The following CTNNA2 variants were observed in gnomAD, a reference collection of about 807,000 sequenced individuals.
The protein encoded by CTNNA2 is catenin alpha-2.
A neutral mutation model predicts 101.0 loss-of-function variants in CTNNA2; 42 were observed. The ratio of observed to expected loss-of-function variants is 0.42; its 90% CI spans 0.32 to 0.54. The LOEUF (loss-of-function observed/expected upper bound fraction) is 0.54, where lower values mean the gene tolerates loss of function less well. Among genes scored for constraint, CTNNA2 ranks in the 20% least tolerant of loss-of-function variants. The pLI, the probability that CTNNA2 is intolerant of heterozygous loss-of-function variation, is 0.14. For missense variants in CTNNA2, 871 were observed against 1,223.1 expected (o/e 0.71, Z 4.29); for synonymous variants, 450 against 456.4 (o/e 0.99, Z 0.18).
chr2:79,760,005 G>A (rs1023772494), intron 3 of CTNNA2, among the ~76,000 whole-genome samples: 1 of 152,152 alleles, frequency 6.6e-6, no homozygotes, highest in Non-Finnish European at 1.5e-5. Flanking sequence ...AGGCGGTATA[G>A]CATATTCGTT....
In CTNNA2 at chr2:79,529,138, T is replaced by C. The variant is rs1000653569; in HGVS notation, c.-6+15931T>C. Among the ~76,000 whole-genome samples the C allele has an allele frequency of 2.6e-5, 4 of 152,102 alleles. No homozygotes were observed. In the East Asian group the frequency reaches 7.7e-4, roughly 29 times the overall value. On this transcript the variant is annotated intron_variant, in intron 1 of 18. Coordinates refer to ENST00000402739, the MANE Select transcript of CTNNA2 (RefSeq NM_001282597.3). Reference sequence around the variant, plus strand: ...TGAGGGGAAAGCATGAAGGTAGGAATGTCAGTGTAAATTTAAGGCTCAACA... The same window carrying C: ...TGAGGGGAAAGCATGAAGGTAGGAACGTCAGTGTAAATTTAAGGCTCAACA...
intron 7 of CTNNA2, among the ~76,000 whole-genome samples, chr2:80,318,434 TTA>T (rs1678343441): frequency 6.6e-6 from 1 of 152,032 alleles, no homozygotes; most frequent in Non-Finnish European, 1.5e-5. Flanking sequence ...GTTGGGATAG[TTA>T]TGTTTAGGTT....
chr2:80,199,991 C>T (rs1421013231), intron 7 of CTNNA2, among the ~76,000 whole-genome samples: 1 of 152,146 alleles, frequency 6.6e-6, no homozygotes, highest in Admixed American at 6.5e-5. Context: ...ATGTTTCTGA[C>T]TTTCCTTAGA....
intron 7 of CTNNA2, among the ~76,000 whole-genome samples, chr2:80,280,384 A>G (rs1244270062): frequency 6.6e-6 from 1 of 151,458 alleles, no homozygotes; most frequent in Non-Finnish European, 1.5e-5. Flanking sequence ...ATCAACTTAA[A>G]TTCTGGAGCC....
In CTNNA2 at chr2:79,782,903, T is replaced by C. The variant is rs111987894; in HGVS notation, c.298+38321T>C. 5.9e-4 allele frequency among the ~76,000 whole-genome samples: 90 copies of C among 152,200 alleles called. 2 individuals are homozygous for C. The highest frequency in any genetic ancestry group is 2.9e-3 in the Admixed American group (45 of 15,292). On this transcript the variant is annotated intron_variant, in intron 3 of 18. Transcript: ENST00000402739. ...AATTGGCTCTGCCCCACCAATATTC[T>C]CTTTTAGTCCATGTCATCTCTTTCA...
upstream of CTNNA2, among the ~76,000 whole-genome samples, chr2:79,510,280 A>G (rs1671507411): frequency 6.6e-6 from 1 of 152,210 alleles, no homozygotes; most frequent in African/African-American, 2.4e-5. Context: ...ATGTCATTGA[A>G]ATGAAGGACA....
At chr2:80,192,891 A>T (rs1706602330) in intron 7 of CTNNA2, among the ~76,000 whole-genome samples, 1 of 152,214 alleles carries the variant, frequency 6.6e-6, no homozygotes, top group South Asian at 2.1e-4. Context: ...GCATCTACTC[A>T]GTCCCACCAT....
At chr2:79,921,052 A>G (rs1375029172) in intron 7 of CTNNA2, among the ~76,000 whole-genome samples, 10 of 152,180 alleles carry the variant, frequency 6.6e-5, no homozygotes, top group African/African-American at 2.4e-4. Flanking sequence ...TAATTTGCAT[A>G]TGTACCTGAA....
intron 7 of CTNNA2, among the ~76,000 whole-genome samples, chr2:80,179,151 C>T (rs1705594839): frequency 1.3e-5 from 2 of 152,168 alleles, no homozygotes; most frequent in African/African-American, 2.4e-5. Context: ...ATGGCATTTG[C>T]CGAATCAGTG....
intron 7 of CTNNA2, among the ~76,000 whole-genome samples, chr2:80,271,969 G>GA (rs1180577184): frequency 6.6e-6 from 1 of 152,170 alleles, no homozygotes; most frequent in Non-Finnish European, 1.5e-5. Context: ...CTTGTAGGTG[G>GA]AAGGCCACCC....
chr2:80,590,434 GTT>G (rs35358032), intron 15 of CTNNA2, among the ~76,000 whole-genome samples: 1 of 39,716 alleles, frequency 2.5e-5, no homozygotes, highest in Non-Finnish European at 6.2e-5. Context: ...TTACTGTAGT[GTT>G]TTTTTTTCTG....
In CTNNA2 at chr2:79,555,486, A is replaced by G. The variant is rs533403553; in HGVS notation, c.-6+42279A>G. 1.1e-3 allele frequency among the ~76,000 whole-genome samples: 175 copies of G among 152,252 alleles called. 2 individuals carry two copies. Among genetic ancestry groups the G allele is most frequent in the Non-Finnish European group, 1.7e-3 (115 of 67,996 alleles). On this transcript the variant is annotated intron_variant, in intron 1 of 18. Coordinates refer to ENST00000402739, the MANE Select transcript of CTNNA2 (RefSeq NM_001282597.3). ...ACGAATTTAGAAGAGGCAGTCATGG[A>G]TCTCATTTAAGAAATTTCCTGTGTT... is the stretch of plus-strand genomic sequence containing the variant.
At chr2:80,160,265 A>C (rs185924486) in intron 7 of CTNNA2, among the ~76,000 whole-genome samples, 52 of 152,328 alleles carry the variant, frequency 3.4e-4, no homozygotes, top group African/African-American at 1.2e-3. Flanking sequence ...CTTTTTTAAA[A>C]TTCGTTTCAG....
At chr2:79,481,464 C>T (rs1036303057) in intron 4 of CTNNA2, among the ~76,000 whole-genome samples, 4 of 152,102 alleles carry the variant, frequency 2.6e-5, no homozygotes, top group South Asian at 4.2e-4. Context: ...AGTCTCTTTT[C>T]CTGAGATCAT....
intron 7 of CTNNA2, among the ~76,000 whole-genome samples, chr2:80,383,999 G>C (rs1282376106): frequency 2.0e-5 from 3 of 152,076 alleles, no homozygotes; most frequent in Admixed American, 6.5e-5. Context: ...AAAAGAACAA[G>C]ATCATGTTCT....
chr2:80,567,228 T>C (rs1694141249), intron 12 of CTNNA2, among the ~76,000 whole-genome samples: 1 of 146,278 alleles, frequency 6.8e-6, no homozygotes, highest in African/African-American at 2.5e-5. Context: ...TATTAATTTA[T>C]GATCATGACA....
intron 1 of CTNNA2, among the ~76,000 whole-genome samples, chr2:79,628,809 G>A (rs575805654): frequency 6.6e-6 from 1 of 152,222 alleles, no homozygotes; most frequent in South Asian, 2.1e-4. Flanking sequence ...TTCACGATCT[G>A]TGACTCTTGT....
chr2:79,200,517 G>C (rs1000459518), intron 2 of CTNNA2, among the ~76,000 whole-genome samples: 6 of 152,258 alleles, frequency 3.9e-5, no homozygotes, highest in African/African-American at 1.4e-4. Context: ...CCGCAAAACG[G>C]AGTCTGGCAC....
chr2:79,590,918 G>T (rs1676805819), intron 1 of CTNNA2, among the ~76,000 whole-genome samples: 1 of 152,108 alleles, frequency 6.6e-6, no homozygotes, highest in African/African-American at 2.4e-5. Flanking sequence ...AGCCCTTCCT[G>T]AATAATCAGT....
Sources: allele counts gnomAD v4.1 joint callset (sites outside exome capture counted in the v4.1 genomes callset), GRCh38; gene constraint gnomAD v4.1.1; transcripts MANE v1.5; gene names NCBI Gene and HGNC (gene_info 2026-07-23, HGNC 2026-07-21).